The following TAF1 variants were observed in gnomAD, a reference collection of about 807,000 sequenced individuals.
TAF1 encodes TATA-box binding protein associated factor 1, also known as transcription initiation factor TFIID subunit 1.
TAF1 carries 2 observed loss-of-function variants against 138.5 expected under a neutral mutation model. The observed-to-expected ratio is 0.01, with a 90% CI of 0.01 to 0.05. The LOEUF is 0.05. Ranked by LOEUF, TAF1 falls within the 10% of genes least tolerant of loss-of-function variation. The pLI is 1.00. For synonymous variants in TAF1, 437 were observed against 503.2 expected, an observed-to-expected ratio of 0.87 and a Z score of 1.76; for missense variants, 709 against 1,478.0, an observed-to-expected ratio of 0.48 and a Z score of 8.53.
intron 13 of TAF1, among the ~76,000 whole-genome samples, chrX:71,524,239 C>T (rs1282227756): frequency 4.6e-5 from 5 of 108,541 alleles, no homozygotes; most frequent in Non-Finnish European, 1.9e-5. Context: ...GCCATGTTGC[C>T]CAGGCTGGTC....
At position 71,525,127 on chromosome X, in the gene TAF1, C is replaced by T. The variant is rs765995032; in HGVS notation, c.1367-3415C>T. On this transcript the variant is annotated intron_variant and NMD_transcript_variant, in intron 13 of 14. Coordinates refer to the TAF1 transcript ENST00000373775. The stretch of plus-strand genomic sequence containing the variant: ...TGTGATCTTGGCTCACTGCAACCTC[C>T]ACCTCCCAGGTTCAAGCAATTCTCC... Among the ~76,000 whole-genome samples the T allele has an allele frequency of 2.4e-3, 259 of 109,024 alleles. 2 individuals carry two copies. Among genetic ancestry groups the T allele is most frequent in the African/African-American group, 7.9e-3 (238 of 29,998 alleles). 94.7% of individuals were successfully genotyped at this position (109,024 alleles called of 115,157 possible).
chrX:71,429,241 C>T (rs1202529075), intron 32 of TAF1, among the ~76,000 whole-genome samples: 4 of 109,874 alleles, frequency 3.6e-5, no homozygotes, highest in Non-Finnish European at 3.8e-5. Context: ...CATCACTGCA[C>T]TCCAGCCTGG....
At chrX:71,440,042 AACTG>A (rs1313550426) in intron 32 of TAF1, among the ~76,000 whole-genome samples, 3 of 111,261 alleles carry the variant, frequency 2.7e-5, no homozygotes, top group Non-Finnish European at 5.7e-5. Context: ...CAAGACTTAG[AACTG>A]TTACCATAAA....
chrX:71,495,276 T>G (rs1437697443), intron 13 of TAF1, among the ~76,000 whole-genome samples: 1 of 111,779 alleles, frequency 8.9e-6, no homozygotes, highest in East Asian at 2.8e-4. Flanking sequence ...TGAACTCATT[T>G]GGGATTCCAT....
At chrX:71,512,013 T>A (rs1437761666) in intron 13 of TAF1, among the ~76,000 whole-genome samples, 35 of 86,011 alleles carry the variant, frequency 4.1e-4, no homozygotes, top group Non-Finnish European at 7.4e-4. Flanking sequence ...AGACCTTGTC[T>A]CAAAAAAAAA....
intron 32 of TAF1, among the ~76,000 whole-genome samples, chrX:71,438,483 T>G (rs923737641): frequency 8.9e-6 from 1 of 111,831 alleles, no homozygotes; most frequent in African/African-American, 3.3e-5. Context: ...CAGACTTCTT[T>G]TATGAATATG....
chrX:71,467,614 T>G (rs1477812729), downstream of TAF1, among the ~76,000 whole-genome samples: 1 of 111,949 alleles, frequency 8.9e-6, no homozygotes, highest in Non-Finnish European at 1.9e-5. Context: ...TGAAAAACAT[T>G]TTTGTAGGTC....
intron 13 of TAF1, among the ~76,000 whole-genome samples, chrX:71,513,160 G>A (rs2039763674): frequency 8.9e-6 from 1 of 111,929 alleles, no homozygotes. Context: ...AGGATTAAGG[G>A]AGAGTTTTGT....
At chrX:71,490,763 C>T (rs1286874694) in intron 13 of TAF1, among the ~76,000 whole-genome samples, 2 of 102,219 alleles carry the variant, frequency 2.0e-5, no homozygotes, top group African/African-American at 7.3e-5. Flanking sequence ...GAGTCTCACT[C>T]TTTCACCAGG....
intron 32 of TAF1, among the ~76,000 whole-genome samples, chrX:71,452,453 T>A (rs2038048360): frequency 9.3e-6 from 1 of 107,803 alleles, no homozygotes; most frequent in African/African-American, 3.4e-5. Flanking sequence ...TCTCCACATC[T>A]CAGACGATGG....
At chrX:71,528,812 T>C in intron 14 of TAF1, 1 of 264,187 alleles carries the variant, frequency 3.8e-6, no homozygotes, top group Non-Finnish European at 7.2e-6. Flanking sequence ...GAACAAAGCT[T>C]CCATAGCGTG....
chrX:71,467,034 A>G (rs2038774718), downstream of TAF1, among the ~76,000 whole-genome samples: 1 of 99,226 alleles, frequency 1.0e-5, no homozygotes, highest in African/African-American at 3.6e-5. Flanking sequence ...AAAACCATGA[A>G]GAGTGGAAAG....
intron 4 of TAF1, 151 bp downstream of exon 4, chrX:71,375,437 G>A: frequency 1.3e-6 from 1 of 764,212 alleles, no homozygotes; most frequent in South Asian, 4.3e-5. Context: ...TAGTATTAAA[G>A]GGAAGTTTTA....
At chrX:71,515,563 G>A (rs902370707) in intron 13 of TAF1, among the ~76,000 whole-genome samples, 5 of 111,445 alleles carry the variant, frequency 4.5e-5, no homozygotes, top group African/African-American at 1.6e-4. Flanking sequence ...TTCTTTTTCA[G>A]TGCTCTGTTG....
chrX:71,380,186 CT>C (rs1478252148), intron 8 of TAF1, among the ~76,000 whole-genome samples: 1 of 110,626 alleles, frequency 9.0e-6, no homozygotes, highest in East Asian at 2.8e-4. Flanking sequence ...GCATACTGTG[CT>C]TTTCACTTAC....
chrX:71,483,674 G>A (rs2039114026), intron 13 of TAF1, among the ~76,000 whole-genome samples: 1 of 106,129 alleles, frequency 9.4e-6, no homozygotes, highest in African/African-American at 3.4e-5. Context: ...GTGGATAAGG[G>A]AAACCTCGGA....
intron 13 of TAF1, among the ~76,000 whole-genome samples, chrX:71,479,954 G>C (rs1233915567): frequency 9.0e-6 from 1 of 111,623 alleles, no homozygotes; most frequent in Non-Finnish European, 1.9e-5. Flanking sequence ...GCCGGCTGTG[G>C]TGGCTCATGC....
chrX:71,498,838 G>A (rs1326448673), intron 13 of TAF1, among the ~76,000 whole-genome samples: 1 of 111,942 alleles, frequency 8.9e-6, no homozygotes, highest in Non-Finnish European at 1.9e-5. Context: ...CTGAGGAGGT[G>A]GGAGAAATAC....
At chrX:71,501,980 A>G (rs570755282) in intron 13 of TAF1, among the ~76,000 whole-genome samples, 2 of 111,364 alleles carry the variant, frequency 1.8e-5, no homozygotes, top group South Asian at 7.6e-4. Flanking sequence ...GAATGAAGCC[A>G]TGGACCTTTG....
Sources: gnomAD v4.1 joint callset for allele counts (sites outside exome capture counted in the v4.1 genomes callset) on GRCh38, gnomAD v4.1.1 for gene constraint, MANE v1.5 for transcripts, NCBI Gene and HGNC (gene_info 2026-07-23, HGNC 2026-07-21) for gene names.